The following ASPH variants were observed in gnomAD, a reference collection of about 807,000 sequenced individuals.
ASPH encodes aspartate beta-hydroxylase, also known as aspartyl/asparaginyl beta-hydroxylase.
In ASPH, 100 loss-of-function variants were observed where a neutral mutation model predicts 118.4. That is an observed-to-expected ratio of 0.84 (90% CI 0.72 to 1.00). The LOEUF (loss-of-function observed/expected upper bound fraction) is 1.00, where lower values mean the gene tolerates loss of function less well. Ranked by LOEUF, ASPH falls within the 50% of genes least tolerant of loss-of-function variation. ASPH has a pLI of 0.00. For missense variants in ASPH, 920 were observed against 919.5 expected, an observed-to-expected ratio of 1.00 and a Z score of -0.01; for synonymous variants, 315 against 325.6, an observed-to-expected ratio of 0.97 and a Z score of 0.35.
chr8:61,594,559 T>C (rs1842022464), intron 14 of ASPH, among the ~76,000 whole-genome samples: 1 of 152,204 alleles, frequency 6.6e-6, no homozygotes, highest in South Asian at 2.1e-4. Context: ...GTTTTGCTTT[T>C]CACAGTGTCA....
chr8:61,572,247 T>C (rs1049281593), intron 16 of ASPH, among the ~76,000 whole-genome samples: 1 of 152,178 alleles, frequency 6.6e-6, no homozygotes, highest in African/African-American at 2.4e-5. Flanking sequence ...CAGCATCTCC[T>C]CTGTCTGGAA....
intron 10 of ASPH, among the ~76,000 whole-genome samples, chr8:61,639,435 A>G (rs1804021165): frequency 6.6e-6 from 1 of 152,150 alleles, no homozygotes. Flanking sequence ...AGCCCTCGCT[A>G]TATTTTTAGC....
At chr8:61,651,394 A>T (rs765281675) in intron 4 of ASPH, 21 of 318,846 alleles carry the variant, frequency 6.6e-5, no homozygotes, top group Middle Eastern at 8.6e-4. Flanking sequence ...ATTTGTATTT[A>T]AAAAAGAGCC....
chr8:61,561,248 C>T (rs1587140555), intron 18 of ASPH, among the ~76,000 whole-genome samples: 1 of 152,258 alleles, frequency 6.6e-6, no homozygotes, highest in East Asian at 1.9e-4. Flanking sequence ...GACCCTGATT[C>T]ACTGAGGTAT....
At chr8:61,614,196 T>C (rs755948483) in intron 14 of ASPH, among the ~76,000 whole-genome samples, 237 of 152,346 alleles carry the variant, frequency 1.6e-3, no homozygotes, top group Non-Finnish European at 2.9e-3. Flanking sequence ...AAATACTGTT[T>C]AAACATATTC....
rs116906162 is a variant in ASPH, at chr8:61,580,054, G to A, written c.1063-3196C>T. ...CTTTGACTCCATGTCTCACATCCAG[G>A]TCATGCTGATACAAGTGGTGGGCTC... On this transcript the variant is annotated intron_variant, in intron 15 of 24. Transcript: ENST00000379454. Among the ~76,000 whole-genome samples the A allele has an allele frequency of 7.2e-3, 1,099 of 152,182 alleles. 5 individuals carry two copies. Among genetic ancestry groups the A allele is most frequent in the Non-Finnish European group, 0.012 (839 of 68,004 alleles).
At chr8:61,618,587 T>C (rs1288197198) in intron 14 of ASPH, among the ~76,000 whole-genome samples, 1 of 152,246 alleles carries the variant, frequency 6.6e-6, no homozygotes, top group African/African-American at 2.4e-5. Context: ...TCCTAAGTGC[T>C]TTCTATGTTA....
intron 21 of ASPH, among the ~76,000 whole-genome samples, chr8:61,546,953 G>A (rs1824101938): frequency 6.6e-6 from 1 of 152,116 alleles, no homozygotes; most frequent in Non-Finnish European, 1.5e-5. Context: ...TCTTGCACAT[G>A]TAAAATCAAT....
intron 3 of ASPH, among the ~76,000 whole-genome samples, chr8:61,655,264 T>A (rs1813054071): frequency 6.6e-6 from 1 of 152,148 alleles, no homozygotes; most frequent in South Asian, 2.1e-4. Flanking sequence ...CTCCAGTAGC[T>A]GAGTAGAAGA....
chr8:61,622,192 G>C (rs1851200322), intron 13 of ASPH, among the ~76,000 whole-genome samples: 1 of 152,120 alleles, frequency 6.6e-6, no homozygotes, highest in African/African-American at 2.4e-5. Context: ...ACAAAAATTA[G>C]CTGGGCGTGG....
chr8:61,628,985 C>T (rs977176461), intron 13 of ASPH, among the ~76,000 whole-genome samples: 1 of 152,154 alleles, frequency 6.6e-6, no homozygotes, highest in Non-Finnish European at 1.5e-5. Flanking sequence ...GCCCCCAGAC[C>T]TCTGGTGTTG....
Position 61,501,173 on chromosome 8 carries a change from A to T in ASPH, c.*2186T>A, listed in dbSNP as rs1033961505. 1.2e-4 allele frequency: 19 copies of T among 152,196 alleles called. No homozygotes were observed. Among genetic ancestry groups the T allele is most frequent in the African/African-American group, 3.6e-4 (15 of 41,468 alleles). 9.4% of individuals were successfully genotyped at this position (152,196 alleles called of 1,614,324 possible). On this transcript the variant is annotated 3_prime_UTR_variant, in exon 25 of 25. Coordinates refer to ENST00000379454, the MANE Select transcript of ASPH (RefSeq NM_004318.4). Reference sequence around the variant, plus strand: ...AATAATTCTACCAATGCAGTGATGGAAACACTTTTCTTATGTACCAAGACA... The same window carrying T: ...AATAATTCTACCAATGCAGTGATGGTAACACTTTTCTTATGTACCAAGACA...
At chr8:61,642,770 A>C (rs1481492479) in intron 10 of ASPH, 118 bp downstream of exon 10, 1 of 836,814 alleles carries the variant, frequency 1.2e-6, no homozygotes, top group Non-Finnish European at 1.8e-6. Flanking sequence ...GCTTGTACCC[A>C]GGAGGCGGAG....
intron 3 of ASPH, among the ~76,000 whole-genome samples, chr8:61,655,311 T>C (rs924384282): frequency 6.6e-6 from 1 of 152,204 alleles, no homozygotes; most frequent in African/African-American, 2.4e-5. Context: ...TCTACTCCTA[T>C]GTACCAGAGA....
chr8:61,637,497 T>C (rs1408152605), intron 12 of ASPH, among the ~76,000 whole-genome samples: 1 of 152,200 alleles, frequency 6.6e-6, no homozygotes, highest in Non-Finnish European at 1.5e-5. Context: ...GCAATTATTT[T>C]TGTTTTTCAG....
chr8:61,566,753 T>C (rs1459704959), intron 17 of ASPH, among the ~76,000 whole-genome samples: 2 of 152,230 alleles, frequency 1.3e-5, no homozygotes, highest in African/African-American at 4.8e-5. Flanking sequence ...GCAAAAGGAT[T>C]ACAACTCACT....
chr8:61,572,937 T>C (rs945702433), intron 16 of ASPH, among the ~76,000 whole-genome samples: 1 of 152,228 alleles, frequency 6.6e-6, no homozygotes, highest in African/African-American at 2.4e-5. Flanking sequence ...TGTTTGCAGA[T>C]GACATGATTG....
At chr8:61,578,841 G>C (rs140953320) in intron 15 of ASPH, 20,178 of 1,611,922 alleles carry the variant, frequency 0.013, 146 homozygotes, top group Non-Finnish European at 0.015. Context: ...CATGAACAAG[G>C]TAGAGCTGGA....
At chr8:61,543,073 A>G (rs1239815859) in intron 21 of ASPH, among the ~76,000 whole-genome samples, 1 of 152,230 alleles carries the variant, frequency 6.6e-6, no homozygotes, top group Non-Finnish European at 1.5e-5. Context: ...AATAAATTTT[A>G]AATTTGGCAA....
Sources: gnomAD v4.1 joint callset for allele counts (sites outside exome capture counted in the v4.1 genomes callset) on GRCh38, gnomAD v4.1.1 for gene constraint, MANE v1.5 for transcripts, NCBI Gene and HGNC (gene_info 2026-07-23, HGNC 2026-07-21) for gene names.